Variants in SCN11A observed in about 807,000 individuals in gnomAD.
SCN11A encodes the protein sodium channel protein type 11 subunit alpha.
In SCN11A, 122 loss-of-function variants were observed where a neutral mutation model predicts 162.2. The observed-to-expected ratio is 0.75, with a 90% CI of 0.65 to 0.87. SCN11A has a LOEUF of 0.87. Ranked by LOEUF, SCN11A falls within the 40% of genes least tolerant of loss-of-function variation. The pLI, the probability that SCN11A is intolerant of heterozygous loss-of-function variation, is 0.00. For synonymous variants in SCN11A, 758 were observed against 751.5 expected (o/e 1.01, Z -0.14); for missense variants, 2,015 against 2,181.6 (o/e 0.92, Z 1.52).
intron 2 of SCN11A, among the ~76,000 whole-genome samples, chr3:39,009,115 AG>A (rs2031057894): frequency 6.6e-6 from 1 of 152,178 alleles, no homozygotes; most frequent in South Asian, 2.1e-4. Context: ...ATGAAAAAGC[AG>A]ATATGAGAAG....
intron 23 of SCN11A, among the ~76,000 whole-genome samples, chr3:38,875,711 T>C (rs562994578): frequency 1.9e-4 from 29 of 152,220 alleles, no homozygotes; most frequent in Admixed American, 4.6e-4. Flanking sequence ...AAATCATCAA[T>C]GACACAAACA....
intron 2 of SCN11A, among the ~76,000 whole-genome samples, chr3:38,967,159 G>C (rs945912137): frequency 1.3e-5 from 2 of 152,198 alleles, no homozygotes; most frequent in African/African-American, 4.8e-5. Context: ...TGTCAGAGAT[G>C]CCATGGTAAC....
At chr3:39,032,259 T>C (rs1189350827) in intron 2 of SCN11A, among the ~76,000 whole-genome samples, 121 bp downstream of exon 2, 1 of 152,222 alleles carries the variant, frequency 6.6e-6, no homozygotes, top group East Asian at 1.9e-4. Flanking sequence ...CAAATTAACA[T>C]ATTAATCACT....
At position 38,867,370 on chromosome 3, in the gene SCN11A, T is replaced by C. The variant is rs1248559159; in HGVS notation, c.3902A>G (p.Asn1301Ser). ...GTCAATGATAACGCCAATGAAGAGA[T>C]TCAGAGTGAAGAATGAGCCAAAGAT... ...FIIFGSFFTL[N>S]LFIGVIIDNF... Residue 1301 changes from asparagine (N) to serine (S), a missense_variant, in exon 27 of 30, where the codon AAT becomes AGT. Coordinates refer to ENST00000302328, the MANE Select transcript of SCN11A (RefSeq NM_001349253.2). 2 of 1,613,486 alleles carry C rather than the reference T, an allele frequency of 1.2e-6. No individual in the cohort carries two copies. The highest frequency in any genetic ancestry group is 1.3e-5 in the African/African-American group (1 of 75,036).
intron 2 of SCN11A, among the ~76,000 whole-genome samples, chr3:39,024,560 T>G (rs1020320697): frequency 6.6e-6 from 1 of 152,170 alleles, no homozygotes; most frequent in Non-Finnish European, 1.5e-5. Context: ...CCAAGGCAGG[T>G]CACAGAAACC....
At chr3:38,974,477 C>T (rs183709735) in intron 2 of SCN11A, among the ~76,000 whole-genome samples, 90 of 151,932 alleles carry the variant, frequency 5.9e-4, no homozygotes, top group African/African-American at 1.8e-3. Context: ...GGGCAGATCA[C>T]GAGGTCAGGA....
intron 7 of SCN11A, among the ~76,000 whole-genome samples, chr3:38,933,422 C>G (rs2066277459): frequency 1.3e-5 from 2 of 152,226 alleles, no homozygotes; most frequent in Admixed American, 1.3e-4. Flanking sequence ...GATCAAACTA[C>G]TCCGAGCTAC....
intron 2 of SCN11A, among the ~76,000 whole-genome samples, chr3:38,973,622 A>G (rs923521903): frequency 5.9e-5 from 9 of 152,202 alleles, no homozygotes; most frequent in Non-Finnish European, 1.3e-4. Context: ...AAGTTTAAAA[A>G]TTAGAATATT....
chr3:38,951,242 C>T (rs111229127), intron 4 of SCN11A, among the ~76,000 whole-genome samples: 112 of 152,288 alleles, frequency 7.4e-4, no homozygotes, highest in African/African-American at 2.5e-3. Context: ...GCGCCGCACT[C>T]GGAGCAGCCG....
intron 2 of SCN11A, among the ~76,000 whole-genome samples, chr3:39,006,577 A>G (rs1041433946): frequency 6.8e-6 from 1 of 147,464 alleles, no homozygotes; most frequent in Non-Finnish European, 1.5e-5. Flanking sequence ...TGAAAGAAGG[A>G]AAAAAAAAAG....
intron 1 of SCN11A, among the ~76,000 whole-genome samples, chr3:39,044,469 T>G (rs1451738966): frequency 6.6e-6 from 1 of 152,172 alleles, no homozygotes; most frequent in East Asian, 1.9e-4. Context: ...CCATATCAAG[T>G]ATCTTTTCTG....
At chr3:38,872,884 A>G (rs1001919011) in intron 23 of SCN11A, among the ~76,000 whole-genome samples, 1 of 152,152 alleles carries the variant, frequency 6.6e-6, no homozygotes, top group African/African-American at 2.4e-5. Context: ...GAATATGTGG[A>G]TTTCATTATA....
In SCN11A at chr3:38,910,053, A is replaced by G; in HGVS notation, c.1101+13T>C. 6.2e-7 allele frequency: 1 copy of G among 1,613,064 alleles called. No homozygotes were observed. Among genetic ancestry groups the G allele is most frequent in the Non-Finnish European group, 8.5e-7 (1 of 1,179,508 alleles). ...GAGGGAGAGAGGAAAAAGAGAGACT[A>G]TAAATAGATAACCTGTTGATAAAGC... On this transcript the variant is annotated intron_variant, in intron 12 of 29. Transcript: ENST00000302328.
At chr3:38,952,926 T>C (rs1352579047) in intron 4 of SCN11A, among the ~76,000 whole-genome samples, 1 of 152,018 alleles carries the variant, frequency 6.6e-6, no homozygotes, top group Non-Finnish European at 1.5e-5. Flanking sequence ...AGGGAGAGAG[T>C]GGGCAGGCCT....
intron 19 of SCN11A, among the ~76,000 whole-genome samples, chr3:38,893,721 A>G (rs1009748866): frequency 1.3e-5 from 2 of 152,168 alleles, no homozygotes; most frequent in Middle Eastern, 3.2e-3. Flanking sequence ...GAAATTTGAG[A>G]TATTTATAAA....
chr3:38,937,683 A>T (rs2066358737), intron 7 of SCN11A, among the ~76,000 whole-genome samples: 1 of 152,190 alleles, frequency 6.6e-6, no homozygotes, highest in Non-Finnish European at 1.5e-5. Flanking sequence ...ATACCATCTC[A>T]CACCAGTTAG....
At chr3:38,898,744 G>C (rs2065647367) in intron 17 of SCN11A, among the ~76,000 whole-genome samples, 2 of 152,076 alleles carry the variant, frequency 1.3e-5, no homozygotes, top group African/African-American at 4.8e-5. Context: ...ATTTTGTTAA[G>C]CACATCCCCT....
At chr3:38,979,811 T>C (rs1215560432) in intron 2 of SCN11A, among the ~76,000 whole-genome samples, 6 of 152,184 alleles carry the variant, frequency 3.9e-5, no homozygotes, top group Non-Finnish European at 8.8e-5. Context: ...CCTAAATTCA[T>C]ATATGGGCAG....
chr3:38,857,458 G>T lies in SCN11A; in HGVS notation c.4056+5737C>A, dbSNP rs148260634. 5.5e-3 allele frequency among the ~76,000 whole-genome samples: 831 copies of T among 151,972 alleles called. 7 individuals are homozygous for T. The highest frequency in any genetic ancestry group is 0.015 in the African/African-American group (635 of 41,514). ...TAAAAGCCAATCAGACAAAGACAAA[G>T]AAAAAAGTTTAAAAAATGAATGAAG... On this transcript the variant is annotated intron_variant, in intron 28 of 29. Transcript: ENST00000302328.
Sources: gnomAD v4.1 joint callset for allele counts (sites outside exome capture counted in the v4.1 genomes callset) on GRCh38, gnomAD v4.1.1 for gene constraint, MANE v1.5 for transcripts, NCBI Gene and HGNC (gene_info 2026-07-23, HGNC 2026-07-21) for gene names.